Variants in UBXN2B observed in about 807,000 individuals in gnomAD.
UBXN2B encodes UBX domain-containing protein 2B.
A neutral mutation model predicts 37.5 loss-of-function variants in UBXN2B; 19 were observed. The ratio of observed to expected loss-of-function variants is 0.51; its 90% CI spans 0.35 to 0.74. UBXN2B has a LOEUF of 0.74. UBXN2B is among the 30% of genes least tolerant of loss of function. UBXN2B has a pLI of 0.01. For synonymous variants in UBXN2B, 145 were observed against 143.8 expected, an observed-to-expected ratio of 1.01 and a Z score of -0.06; for missense variants, 370 against 393.2, an observed-to-expected ratio of 0.94 and a Z score of 0.50.
intron 2 of UBXN2B, 68 bp from the exon 3 acceptor site, chr8:58,430,449 CTA>C (rs779662096): frequency 2.7e-6 from 3 of 1,106,654 alleles, no homozygotes; most frequent in Non-Finnish European, 3.6e-6. Flanking sequence ...TTTCATAAGA[CTA>C]TGTAGCTTTT....
At chr8:58,435,204 C>G in intron 5 of UBXN2B, 1 of 1,178,052 alleles carries the variant, frequency 8.5e-7, no homozygotes, top group Non-Finnish European at 1.1e-6. Context: ...CAGAGTTTTA[C>G]TGTATATAAC....
At chr8:58,438,111 C>T (rs1808459719) in intron 5 of UBXN2B, among the ~76,000 whole-genome samples, 1 of 152,182 alleles carries the variant, frequency 6.6e-6, no homozygotes, top group Non-Finnish European at 1.5e-5. Flanking sequence ...CCAGGTATAG[C>T]TTGGGCCTCC....
Position 58,424,687 on chromosome 8 carries a change from CGG to C in UBXN2B, c.189-5822_189-5821del, listed in dbSNP as rs370686138. Reference sequence around the variant, plus strand: ...CACAGCGTGGAGTTGGAGTACAAGGCGGGGGGGGGGGCTCTGATCTCCACTCG... The same window carrying C: ...CACAGCGTGGAGTTGGAGTACAAGGCGGGGGGGGGCTCTGATCTCCACTCG... On this transcript the variant is annotated intron_variant, in intron 2 of 7. Coordinates refer to ENST00000399598, the MANE Select transcript of UBXN2B (RefSeq NM_001077619.2). 9.0e-4 allele frequency: 960 copies of C among 1,065,404 alleles called. 2 individuals carry two copies. The African/African-American group carries it at 0.013, about 14-fold the overall frequency. 66.0% of individuals were successfully genotyped at this position (1,065,404 alleles called of 1,614,324 possible).
intron 2 of UBXN2B, chr8:58,426,809 C>T (rs2129604049): frequency 1.7e-6 from 1 of 592,106 alleles, no homozygotes; most frequent in Non-Finnish European, 3.2e-6. Flanking sequence ...AGCCAGCCGA[C>T]TGTGCACAGA....
intron 2 of UBXN2B, among the ~76,000 whole-genome samples, chr8:58,429,040 G>A (rs546042788): frequency 1.3e-5 from 2 of 152,348 alleles, no homozygotes; most frequent in South Asian, 4.1e-4. Flanking sequence ...TGACCTTAGA[G>A]TAGGCAAAGA....
chr8:58,445,762 G>C, intron 6 of UBXN2B, 145 bp from the exon 7 acceptor site: 1 of 654,892 alleles, frequency 1.5e-6, no homozygotes, highest in Admixed American at 4.1e-5. Context: ...AAGAATCGTA[G>C]GATCCAAAAT....
intron 2 of UBXN2B, among the ~76,000 whole-genome samples, chr8:58,419,716 A>T (rs930387939): frequency 6.6e-6 from 1 of 152,254 alleles, no homozygotes; most frequent in Non-Finnish European, 1.5e-5. Context: ...AAGACAAGGG[A>T]CAAAATTCCA....
chr8:58,435,697 GAAAAT>G, intron 5 of UBXN2B, among the ~76,000 whole-genome samples: 1 of 152,286 alleles, frequency 6.6e-6, no homozygotes, highest in Admixed American at 6.5e-5. Context: ...ATTGTTAAAT[GAAAAT>G]AAACCACAAA....
rs182614219 is a variant in UBXN2B at position 58,425,222 on chromosome 8, G to A, written c.189-5297G>A. ...GTGCTTTCTCTGATATTCCTAACAC[G>A]CATGATGCCATATTCTTTTAGAGCA... On this transcript the variant is annotated intron_variant, in intron 2 of 7. Transcript: ENST00000399598. 5.5e-5 allele frequency: 58 copies of A among 1,060,488 alleles called. No homozygotes were observed. In the Admixed American group the frequency reaches 6.3e-4, roughly 11 times the overall value. The allele number at this position is 1,060,488 out of a possible 1,614,324, so 65.7% of individuals were successfully genotyped here.
intron 5 of UBXN2B, among the ~76,000 whole-genome samples, chr8:58,437,852 TAGAG>T (rs759707937): frequency 2.6e-5 from 4 of 152,038 alleles, no homozygotes; most frequent in Admixed American, 1.3e-4. Flanking sequence ...AACCACTTGA[TAGAG>T]AGATTTGCAT....
intron 6 of UBXN2B, among the ~76,000 whole-genome samples, chr8:58,441,480 G>C: frequency 6.6e-6 from 1 of 151,424 alleles, no homozygotes; most frequent in East Asian, 1.9e-4. Context: ...TTTTTAATTA[G>C]AATGCAGATA....
intron 2 of UBXN2B, among the ~76,000 whole-genome samples, chr8:58,421,753 A>G (rs1684328108): frequency 1.3e-5 from 2 of 152,224 alleles, no homozygotes; most frequent in South Asian, 2.1e-4. Flanking sequence ...AGAACCTGCA[A>G]TCACCTTTTA....
chr8:58,423,992 C>G (rs1585600738), intron 2 of UBXN2B, among the ~76,000 whole-genome samples: 1 of 151,676 alleles, frequency 6.6e-6, no homozygotes, highest in South Asian at 2.1e-4. Flanking sequence ...TTTTCTATGA[C>G]TCTTCAATGC....
At chr8:58,444,538 C>T (rs965084842) in intron 6 of UBXN2B, among the ~76,000 whole-genome samples, 3 of 152,086 alleles carry the variant, frequency 2.0e-5, no homozygotes, top group African/African-American at 4.8e-5. Context: ...GTGGTAGTGA[C>T]GATGATAATG....
At chr8:58,416,577 T>C (rs189674873) in intron 1 of UBXN2B, among the ~76,000 whole-genome samples, 12 of 152,302 alleles carry the variant, frequency 7.9e-5, no homozygotes, top group Admixed American at 7.2e-4. Flanking sequence ...GTTTGTTACC[T>C]AAAACAGATT....
At chr8:58,445,854 A>G (rs1342603159) in intron 6 of UBXN2B, 53 bp from the exon 7 acceptor site, 1 of 1,462,188 alleles carries the variant, frequency 6.8e-7, no homozygotes, top group Non-Finnish European at 9.1e-7. Context: ...CGCTGTCTTC[A>G]GTTTGTCATA....
intron 6 of UBXN2B, among the ~76,000 whole-genome samples, chr8:58,440,513 G>A (rs970206505): frequency 2.6e-5 from 4 of 152,236 alleles, no homozygotes; most frequent in East Asian, 1.9e-4. Flanking sequence ...AAAAACCAAC[G>A]CACATGGCAG....
chr8:58,416,815 G>C (rs1052484793), intron 1 of UBXN2B, 35 bp from the exon 2 acceptor site: 1 of 1,578,980 alleles, frequency 6.3e-7, no homozygotes, highest in African/African-American at 1.3e-5. Flanking sequence ...GTTATTCCTA[G>C]TGTTATACTT....
At chr8:58,416,252 G>C (rs1173371217) in intron 1 of UBXN2B, among the ~76,000 whole-genome samples, 1 of 151,680 alleles carries the variant, frequency 6.6e-6, no homozygotes, top group African/African-American at 2.4e-5. Flanking sequence ...ATTTCATTTT[G>C]AAATAAACTA....
Sources: allele counts gnomAD v4.1 joint callset (sites outside exome capture counted in the v4.1 genomes callset), GRCh38; gene constraint gnomAD v4.1.1; transcripts MANE v1.5; gene names NCBI Gene and HGNC (gene_info 2026-07-23, HGNC 2026-07-21).